OTULINL: variants seen among roughly 807,000 people sequenced by gnomAD.
The protein encoded by OTULINL is inactive ubiquitin thioesterase OTULINL.
A neutral mutation model predicts 43.9 loss-of-function variants in OTULINL; 42 were observed. The ratio of observed to expected loss-of-function variants is 0.96; its 90% CI spans 0.75 to 1.24. OTULINL has a LOEUF of 1.24. OTULINL is among the 50% of genes most tolerant of loss of function. OTULINL has a pLI of 0.00. For missense variants in OTULINL, 411 were observed against 426.4 expected (o/e 0.96, Z 0.32); for synonymous variants, 172 against 153.6 (o/e 1.12, Z -0.88).
chr5:14,604,727 C>A (rs186325443), intron 5 of OTULINL, among the ~76,000 whole-genome samples: 2 of 152,340 alleles, frequency 1.3e-5, no homozygotes, highest in African/African-American at 4.8e-5. Flanking sequence ...GTCCAAAATC[C>A]AGCAGGGCAG....
chr5:14,593,689 A>C (rs531070388), intron 1 of OTULINL, among the ~76,000 whole-genome samples: 103 of 152,372 alleles, frequency 6.8e-4, no homozygotes, highest in African/African-American at 2.3e-3. Flanking sequence ...GGTTGCATTC[A>C]ACATCTCTAG....
At chr5:14,605,697 T>C (rs1173085840) in intron 5 of OTULINL, among the ~76,000 whole-genome samples, 2 of 152,128 alleles carry the variant, frequency 1.3e-5, no homozygotes, top group South Asian at 4.1e-4. Flanking sequence ...CTAAATCATC[T>C]CTCTCAAGTT....
At chr5:14,602,064 A>G in intron 4 of OTULINL, 119 bp from the exon 5 acceptor site, 1 of 692,680 alleles carries the variant, frequency 1.4e-6, no homozygotes, top group Non-Finnish European at 2.3e-6. Flanking sequence ...TTCGTAATTT[A>G]TCATTGTTTC....
At position 14,588,843 on chromosome 5, in the gene OTULINL, T is replaced by C. The variant is rs565279152; in HGVS notation, c.64+6885T>C. 5.9e-5 allele frequency among the ~76,000 whole-genome samples: 9 copies of C among 152,324 alleles called. No individual in the cohort carries two copies. The East Asian group carries it at 1.7e-3, about 29-fold the overall frequency. ...CCCTCTTAACAAGCCCTTCTGAAAG[T>C]TGCACATTCAACAACTTCTTGGCCA... On this transcript the variant is annotated intron_variant, in intron 1 of 7. Coordinates refer to ENST00000274217, the MANE Select transcript of OTULINL (RefSeq NM_019018.3).
intron 1 of OTULINL, among the ~76,000 whole-genome samples, chr5:14,589,923 CAG>C (rs1222119330): frequency 1.3e-5 from 2 of 151,770 alleles, no homozygotes; most frequent in Non-Finnish European, 2.9e-5. Context: ...GCCTGGGCGA[CAG>C]AGTGAGAATC....
Position 14,611,180 on chromosome 5 carries a change from G to A in OTULINL, c.*866G>A, listed in dbSNP as rs947572456. ...TGTCTGTGTCTGAATCCTCAGAGCC[G>A]TAAAGGGCTAAATGGGTTAAATGGG... On this transcript the variant is annotated 3_prime_UTR_variant, in exon 8 of 8. Transcript: ENST00000274217. 5 of 152,172 alleles carry A rather than the reference G, an allele frequency of 3.3e-5. No individual in the cohort carries two copies. Among genetic ancestry groups the A allele is most frequent in the African/African-American group, 4.8e-5 (2 of 41,432 alleles). The allele number at this position is 152,172 out of a possible 1,614,324, so 9.4% of individuals were successfully genotyped here. A position where few individuals can be genotyped will look rare whatever the true frequency, so the allele number is the denominator to read the frequency against.
intron 5 of OTULINL, among the ~76,000 whole-genome samples, chr5:14,604,368 A>G (rs572450292): frequency 6.6e-6 from 1 of 152,242 alleles, no homozygotes; most frequent in South Asian, 2.1e-4. Context: ...TCAAGATGAT[A>G]TTTGGGTGGG....
At chr5:14,606,907 T>C (rs1222859553) in intron 5 of OTULINL, among the ~76,000 whole-genome samples, 1 of 152,214 alleles carries the variant, frequency 6.6e-6, no homozygotes, top group African/African-American at 2.4e-5. Flanking sequence ...ACTGTTGCTA[T>C]AGTCTTTTAA....
At position 14,604,973 on chromosome 5, in the gene OTULINL, C is replaced by T. The variant is rs55714914; in HGVS notation, c.499-2357C>T. 3.0e-3 allele frequency among the ~76,000 whole-genome samples: 451 copies of T among 152,296 alleles called. 1 individual carries two copies. The highest frequency in any genetic ancestry group is 4.8e-3 in the Non-Finnish European group (327 of 68,006). On this transcript the variant is annotated intron_variant, in intron 5 of 7. Coordinates refer to ENST00000274217, the MANE Select transcript of OTULINL (RefSeq NM_019018.3). ...CTGGGGTCTGGGGAACGGTGGCCCT[C>T]TTCTCACAGCTCCACTAGGCAGCAC...
intron 1 of OTULINL, among the ~76,000 whole-genome samples, chr5:14,597,977 A>G (rs1252697468): frequency 6.6e-6 from 1 of 152,050 alleles, no homozygotes; most frequent in African/African-American, 2.4e-5. Flanking sequence ...TGGTAGGAAG[A>G]GTATATGTGA....
intron 1 of OTULINL, among the ~76,000 whole-genome samples, chr5:14,582,722 G>A (rs1159931038): frequency 2.7e-5 from 4 of 150,346 alleles, no homozygotes; most frequent in African/African-American, 9.8e-5. Flanking sequence ...GGCTGAGGCC[G>A]GAGAATTGCT....
At chr5:14,596,618 C>T (rs1391565613) in intron 1 of OTULINL, among the ~76,000 whole-genome samples, 4 of 151,412 alleles carry the variant, frequency 2.6e-5, no homozygotes, top group African/African-American at 7.3e-5. Context: ...TCCTTGGTTC[C>T]CTAATTCAGA....
At chr5:14,597,666 A>G (rs1405134108) in intron 1 of OTULINL, among the ~76,000 whole-genome samples, 9 of 152,242 alleles carry the variant, frequency 5.9e-5, no homozygotes, top group Non-Finnish European at 8.8e-5. Flanking sequence ...ATCAGTGAAC[A>G]GCTCGTATAG....
chr5:14,587,443 A>G (rs1759126366), intron 1 of OTULINL, among the ~76,000 whole-genome samples: 2 of 152,252 alleles, frequency 1.3e-5, no homozygotes, highest in Non-Finnish European at 2.9e-5. Flanking sequence ...ATGTCAGTGG[A>G]TGAGATCAGC....
rs1579911139 is a variant in OTULINL at position 14,581,971 on chromosome 5, C to T, written c.64+13C>T. On this transcript the variant is annotated intron_variant, in intron 1 of 7. Coordinates refer to ENST00000274217, the MANE Select transcript of OTULINL (RefSeq NM_019018.3). ...GCTCCCGCCGCAGGTGAGCCTGGGG[C>T]CGGGCGGGGCGGGGCGGGGGGCGCG... 7.8e-7 allele frequency: 1 copy of T among 1,287,492 alleles called. No individual in the cohort carries two copies. Among genetic ancestry groups the T allele is most frequent in the South Asian group, 2.3e-5 (1 of 43,408 alleles). The allele number at this position is 1,287,492 out of a possible 1,614,324, so 79.8% of individuals were successfully genotyped here.
Position 14,581,886 on chromosome 5 carries a change from G to A in OTULINL, c.-9G>A. 7.1e-7 allele frequency: 1 copy of A among 1,409,922 alleles called. No individual in the cohort carries two copies. Among genetic ancestry groups the A allele is most frequent in the Non-Finnish European group, 9.2e-7 (1 of 1,082,138 alleles). 87.3% of individuals were successfully genotyped at this position (1,409,922 alleles called of 1,614,324 possible). On this transcript the variant is annotated 5_prime_UTR_variant, in exon 1 of 8. Coordinates refer to ENST00000274217, the MANE Select transcript of OTULINL (RefSeq NM_019018.3). ...CCGAGGCCCAGCGCCCGTCCGCAGC[G>A]CGGCCGGCATGGCGGCGACAAGGAG...
chr5:14,606,951 G>A (rs1204758475), intron 5 of OTULINL, among the ~76,000 whole-genome samples: 18 of 152,158 alleles, frequency 1.2e-4, no homozygotes, highest in Admixed American at 8.5e-4. Flanking sequence ...AGTTTGGGCC[G>A]GGTGCTGTGG....
chr5:14,597,597 A>C (rs1485398632), intron 1 of OTULINL, among the ~76,000 whole-genome samples: 1 of 152,236 alleles, frequency 6.6e-6, no homozygotes, highest in African/African-American at 2.4e-5. Context: ...TGGTGAAGTC[A>C]TACTCTTTCC....
intron 6 of OTULINL, among the ~76,000 whole-genome samples, chr5:14,608,310 A>T (rs1229623399): frequency 6.6e-6 from 1 of 152,258 alleles, no homozygotes; most frequent in Non-Finnish European, 1.5e-5. Flanking sequence ...TGGAAGTCAG[A>T]GATCAGGGTG....
Sources: gnomAD v4.1 joint callset for allele counts (sites outside exome capture counted in the v4.1 genomes callset) on GRCh38, gnomAD v4.1.1 for gene constraint, MANE v1.5 for transcripts, NCBI Gene and HGNC (gene_info 2026-07-23, HGNC 2026-07-21) for gene names.